Variants in FOXF2 observed in about 807,000 individuals in gnomAD.
FOXF2 encodes forkhead box F2.
FOXF2 carries 15 observed loss-of-function variants against 29.1 expected under a neutral mutation model. The observed-to-expected ratio is 0.52, with a 90% CI of 0.35 to 0.79. The LOEUF is 0.79. Ranked by LOEUF, FOXF2 falls within the 30% of genes least tolerant of loss-of-function variation. The pLI is 0.01. For missense variants in FOXF2, 675 were observed against 667.1 expected (o/e 1.01, Z -0.13); for synonymous variants, 337 against 316.5 (o/e 1.06, Z -0.69).
chr6:1,392,963 A>T (rs1023996645), intron 1 of FOXF2, among the ~76,000 whole-genome samples: 5 of 152,038 alleles, frequency 3.3e-5, no homozygotes, highest in Non-Finnish European at 7.4e-5. Context: ...TCCCTATAGG[A>T]TACCCACCCG....
rs750712370 is a variant in FOXF2 at position 1,394,723 on chromosome 6, C to G, written c.1199C>G (p.Ser400Cys). Residue 400 changes from serine (S) to cysteine (C), a missense_variant, in exon 2 of 2, where the codon TCT becomes TGT. Physicochemically the swap from Ser to Cys is moderately radical, Grantham distance 112. Coordinates refer to ENST00000645481, the MANE Select transcript of FOXF2 (RefSeq NM_001452.2). The stretch of plus-strand genomic sequence containing the variant: ...GGACTGCCCCGTTACCAGCATCACT[C>G]TACTCCAGTGTGTGACAGAAAAGAT... Reference protein sequence around the residue: ...SVGLPRYQHHSTPVCDRKDFV... With the variant: ...SVGLPRYQHHCTPVCDRKDFV... 2 of 1,614,126 alleles carry G rather than the reference C, an allele frequency of 1.2e-6. No individual in the cohort carries two copies. The highest frequency in any genetic ancestry group is 1.7e-6 in the Non-Finnish European group (2 of 1,180,002).
At chr6:1,392,475 CA>C (rs1455401787) in intron 1 of FOXF2, among the ~76,000 whole-genome samples, 3 of 150,690 alleles carry the variant, frequency 2.0e-5, no homozygotes, top group East Asian at 2.1e-4. Context: ...CACACACACA[CA>C]CCCCTCGGTG....
Position 1,394,672 on chromosome 6 carries a change from GTTTT to G in FOXF2, c.1172-18_1172-15del, listed in dbSNP as rs751288824. On this transcript the variant is annotated intron_variant, in intron 1 of 1. Transcript: ENST00000645481. ...ACTGGATGACTTTGTTTCTGAAGAG[GTTTT>G]TTTTTCTTTCTTCTTTCAGTGGGAC... 117 of 1,601,142 alleles carry G rather than the reference GTTTT, an allele frequency of 7.3e-5. No individual in the cohort carries two copies. The highest frequency in any genetic ancestry group is 9.4e-5 in the Non-Finnish European group (110 of 1,169,784).
At position 1,389,745 on chromosome 6, in the gene FOXF2, T is replaced by TCCCG. The variant is rs964928002; in HGVS notation, c.-196_-193dup. ...GGGGAGGGATGCGCCGGGCGTTGCC[T>TCCCG]CCCGCCCGCCGCCGCCGCCGCCGCC... On this transcript the variant is annotated 5_prime_UTR_variant, in exon 1 of 2. An upstream open reading frame in the 5' UTR loses its in-frame stop. Coordinates refer to ENST00000645481, the MANE Select transcript of FOXF2 (RefSeq NM_001452.2). 2 of 152,498 alleles carry TCCCG rather than the reference T, an allele frequency of 1.3e-5. No homozygotes were observed. Among genetic ancestry groups the TCCCG allele is most frequent in the African/African-American group, 2.5e-5 (1 of 40,614 alleles). The allele number at this position is 152,498 out of a possible 1,614,324, so 9.4% of individuals were successfully genotyped here.
rs924985591 is a variant in FOXF2 at position 1,394,869 on chromosome 6, G to A, written c.*10G>A. ...GCCCTGCGTCATGTGAACGGAAAGA[G>A]GCCAAGCGATGGCCGCTCTCTCCTC... On this transcript the variant is annotated 3_prime_UTR_variant, in exon 2 of 2. Transcript: ENST00000645481. 6.8e-6 allele frequency: 11 copies of A among 1,614,034 alleles called. No individual in the cohort carries two copies. The highest frequency in any genetic ancestry group is 1.3e-5 in the African/African-American group (1 of 74,934).
intron 1 of FOXF2, among the ~76,000 whole-genome samples, chr6:1,391,799 A>T (rs1758792907): frequency 6.6e-6 from 1 of 151,356 alleles, no homozygotes; most frequent in Admixed American, 6.6e-5. Flanking sequence ...GACCTGAAGG[A>T]CCCTGCTAGG....
rs906427752 is a variant in FOXF2, at chr6:1,395,001, C to T, written c.*142C>T. The T allele has an allele frequency of 1.4e-5, 12 of 837,472 alleles. No individual in the cohort carries two copies. The highest frequency in any genetic ancestry group is 3.4e-4 in the Middle Eastern group (1 of 2,952). The allele number at this position is 837,472 out of a possible 1,614,324, so 51.9% of individuals were successfully genotyped here. ...CACTTAGCCAGAATGCCCAGGATCG[C>T]GTTGGTCACTGTTATTTGCCTACTG... On this transcript the variant is annotated 3_prime_UTR_variant, in exon 2 of 2. Transcript: ENST00000645481.
In FOXF2 at chr6:1,390,097, G is replaced by GTCGTCCTCCGCCTCCTGCGCC; in HGVS notation, c.159_179dup (p.Ala54_Ser60dup). ...CGGAGACCACCTCCTCCTCCTCGTC[G>GTCGTCCTCCGCCTCCTGCGCC]TCGTCCTCCGCCTCCTGCGCCTCGT... is the stretch of plus-strand genomic sequence containing the variant. On this transcript the variant is annotated inframe_insertion, in exon 1 of 2. Transcript: ENST00000645481. The surrounding 1 kb of genome is among the most constrained non-coding windows in gnomAD (Gnocchi z 8.5). 7.0e-7 allele frequency: 1 copy of GTCGTCCTCCGCCTCCTGCGCC among 1,426,064 alleles called. No homozygotes were observed. Among genetic ancestry groups the GTCGTCCTCCGCCTCCTGCGCC allele is most frequent in the Non-Finnish European group, 9.3e-7 (1 of 1,078,332 alleles). The allele number at this position is 1,426,064 out of a possible 1,614,324, so 88.3% of individuals were successfully genotyped here. A position where few individuals can be genotyped will look rare whatever the true frequency, so the allele number is the denominator to read the frequency against.
Position 1,390,933 on chromosome 6 carries a change from G to T in FOXF2, c.986G>T (p.Cys329Phe). ...SSPAMASAIECHSPYTSPAAH... is the reference protein window; with the variant it reads ...SSPAMASAIEFHSPYTSPAAH... ...CCGGCCATGGCGAGCGCCATCGAATGCCACTCGCCCTACACGAGCCCTGCG... is the reference window on the plus strand; with the variant it reads ...CCGGCCATGGCGAGCGCCATCGAATTCCACTCGCCCTACACGAGCCCTGCG... Residue 329 changes from cysteine (C) to phenylalanine (F), a missense_variant, in exon 1 of 2, where the codon TGC (cysteine) becomes TTC (phenylalanine). Coordinates refer to ENST00000645481, the MANE Select transcript of FOXF2 (RefSeq NM_001452.2). This position sits in a 1 kb window ranked among gnomAD's most constrained non-coding sequence, Gnocchi z 8.5. 6.3e-7 allele frequency: 1 copy of T among 1,579,242 alleles called. No homozygotes were observed.
chr6:1,391,606 T>C (rs1468615253), intron 1 of FOXF2, among the ~76,000 whole-genome samples: 1 of 152,182 alleles, frequency 6.6e-6, no homozygotes, highest in Admixed American at 6.5e-5. Context: ...AGCGAGATGT[T>C]TGCAGCTGGG....
rs2293783 is a variant in FOXF2, at chr6:1,394,808, T to C, written c.1284T>C (p.Tyr428=). The stretch of plus-strand genomic sequence containing the variant: ...ATCCCTCAGCTAGCGGGTCGTATTA[T>C]CACCATCACCACCAGAGCGTCTGTC... The part of the protein sequence containing the change: ...SFHPSASGSY[Y]HHHHQSVCQD... The change falls in exon 2 of 2, where the codon TAT becomes TAC. Residue 428 remains tyrosine (Y), a synonymous_variant. Coordinates refer to ENST00000645481, the MANE Select transcript of FOXF2 (RefSeq NM_001452.2). 0.21 allele frequency: 343,840 copies of C among 1,613,680 alleles called. 37,465 individuals carry two copies. The highest frequency in any genetic ancestry group is 0.35 in the Middle Eastern group (2,117 of 6,062).
Position 1,394,969 on chromosome 6 carries a change from C to A in FOXF2, c.*110C>A, listed in dbSNP as rs920397783. Reference sequence around the variant, plus strand: ...TGCACGCGGATAGCAGTAAGCCACACACCTGCCACTTAGCCAGAATGCCCA... The same window carrying A: ...TGCACGCGGATAGCAGTAAGCCACAAACCTGCCACTTAGCCAGAATGCCCA... On this transcript the variant is annotated 3_prime_UTR_variant, in exon 2 of 2. Coordinates refer to ENST00000645481, the MANE Select transcript of FOXF2 (RefSeq NM_001452.2). 6.4e-6 allele frequency: 7 copies of A among 1,095,872 alleles called. No homozygotes were observed. The highest frequency in any genetic ancestry group is 1.8e-5 in the Admixed American group (1 of 55,744). 67.9% of individuals were successfully genotyped at this position (1,095,872 alleles called of 1,614,324 possible). A position where few individuals can be genotyped will look rare whatever the true frequency, so the allele number is the denominator to read the frequency against.
At position 1,391,857 on chromosome 6, in the gene FOXF2, G is replaced by T. The variant is rs115935996; in HGVS notation, c.1171+739G>T. The stretch of plus-strand genomic sequence containing the variant: ...CCCTGTGGATGCCACTTGTAGTGTG[G>T]CTGGTTTACATTGTTCTGGTTGCAG... On this transcript the variant is annotated intron_variant, in intron 1 of 1. Transcript: ENST00000645481. Among the ~76,000 whole-genome samples, 1,463 of 152,306 alleles carry T rather than the reference G, an allele frequency of 9.6e-3. 3 individuals are homozygous for T. The highest frequency in any genetic ancestry group is 0.024 in the South Asian group (118 of 4,820).
rs1278169204 is a variant in FOXF2 at position 1,389,630 on chromosome 6, C to G, written c.-318C>G. On this transcript the variant is annotated 5_prime_UTR_variant, in exon 1 of 2. Coordinates refer to ENST00000645481, the MANE Select transcript of FOXF2 (RefSeq NM_001452.2). ...TCGGGCTCGTCCCCGGGGTCCAGGC[C>G]GCGGTCCCACTCGCGGGCGCAGTCG... The G allele has an allele frequency of 6.6e-6, 1 of 150,684 alleles. No individual in the cohort carries two copies. The highest frequency in any genetic ancestry group is 2.4e-5 in the African/African-American group (1 of 41,240). The allele number at this position is 150,684 out of a possible 1,614,324, so 9.3% of individuals were successfully genotyped here.
chr6:1,394,672 GTTT>G, intron 1 of FOXF2, 21 bp from the exon 2 acceptor site: 1 of 1,601,262 alleles, frequency 6.2e-7, no homozygotes, highest in Non-Finnish European at 8.5e-7. Context: ...TTCTGAAGAG[GTTT>G]TTTTTTCTTT....
chr6:1,392,434 TCACACACACACA>T (rs71738664), intron 1 of FOXF2, among the ~76,000 whole-genome samples: 26 of 107,676 alleles, frequency 2.4e-4, no homozygotes, highest in East Asian at 7.4e-4. Flanking sequence ...CGGCTGTCAA[TCACACACACACA>T]CACACACACA....
rs3823147 is a variant in FOXF2, at chr6:1,391,595, C to T, written c.1171+477C>T. Among the ~76,000 whole-genome samples, 408 of 151,858 alleles carry T rather than the reference C, an allele frequency of 2.7e-3. 5 individuals carry two copies. Among genetic ancestry groups the T allele is most frequent in the East Asian group, 0.017 (87 of 5,148 alleles). ...TATGTTCTGTATGTTGGGGTGTCTG[C>T]AGCGAGATGTTTGCAGCTGGGCAAG... On this transcript the variant is annotated intron_variant, in intron 1 of 1. Coordinates refer to ENST00000645481, the MANE Select transcript of FOXF2 (RefSeq NM_001452.2).
intron 1 of FOXF2, among the ~76,000 whole-genome samples, chr6:1,392,434 T>TCTCACACA (rs1554124328): frequency 4.9e-4 from 53 of 107,766 alleles, no homozygotes; most frequent in African/African-American, 1.7e-3. Flanking sequence ...CGGCTGTCAA[T>TCTCACACA]CACACACACA....
In FOXF2 at chr6:1,390,501, A is replaced by C. The variant is rs1465290405; in HGVS notation, c.554A>C (p.Glu185Ala). 6.2e-7 allele frequency: 1 copy of C among 1,611,236 alleles called. No homozygotes were observed. The highest frequency in any genetic ancestry group is 8.5e-7 in the Non-Finnish European group (1 of 1,179,654). ...GACCCGGCCAGCGAGTTCATGTTCG[A>C]GGAGGGCTCGTTCCGCCGCCGGCCG... ...TIDPASEFMF[E>A]EGSFRRRPRG... The change falls in exon 1 of 2, where the codon GAG (glutamate) becomes GCG (alanine). Residue 185 changes from glutamate to alanine, a missense_variant. Physicochemically the swap from Glu to Ala is moderately radical, Grantham distance 107. Transcript: ENST00000645481. The surrounding 1 kb of genome is among the most constrained non-coding windows in gnomAD (Gnocchi z 8.5).
Sources: allele counts gnomAD v4.1 joint callset (sites outside exome capture counted in the v4.1 genomes callset), GRCh38; gene constraint gnomAD v4.1.1; non-coding constraint Gnocchi (gnomAD v3.1); transcripts MANE v1.5; gene names NCBI Gene and HGNC (gene_info 2026-07-23, HGNC 2026-07-21).